The following STAG1 variants were observed in gnomAD, a reference collection of about 807,000 sequenced individuals.
STAG1 encodes the protein cohesin subunit SA-1.
Under a neutral mutation model 170.9 loss-of-function variants are expected in STAG1, and 26 were observed. The observed-to-expected ratio is 0.15, with a 90% confidence interval of 0.11 to 0.21. STAG1 has a LOEUF of 0.21. STAG1 is among the 10% of genes least tolerant of loss of function. STAG1 has a pLI of 1.00. For synonymous variants in STAG1, 514 were observed against 497.7 expected, an observed-to-expected ratio of 1.03 and a Z score of -0.44; for missense variants, 964 against 1,509.5, an observed-to-expected ratio of 0.64 and a Z score of 5.99.
intron 1 of STAG1, among the ~76,000 whole-genome samples, chr3:136,703,704 C>T (rs778771051): frequency 1.5e-4 from 23 of 151,948 alleles, no homozygotes; most frequent in Non-Finnish European, 3.4e-4. Context: ...AGCTTAAAAT[C>T]GACAATTAAA....
At chr3:136,410,807 C>T (rs934523794) in intron 21 of STAG1, among the ~76,000 whole-genome samples, 1 of 152,172 alleles carries the variant, frequency 6.6e-6, no homozygotes, top group African/African-American at 2.4e-5. Context: ...AATTTCATCT[C>T]TACTAAAAAT....
chr3:136,731,642 T>C (rs1479233743), intron 1 of STAG1, among the ~76,000 whole-genome samples: 1 of 152,248 alleles, frequency 6.6e-6, no homozygotes, highest in African/African-American at 2.4e-5. Flanking sequence ...CCTCCTTGTG[T>C]ACTTCGGGAA....
intron 14 of STAG1, among the ~76,000 whole-genome samples, chr3:136,444,224 C>T (rs2107763875): frequency 6.6e-6 from 1 of 152,302 alleles, no homozygotes; most frequent in Non-Finnish European, 1.5e-5. Context: ...CAGGCCCACG[C>T]CACCATGCCT....
chr3:136,421,057 C>A, intron 20 of STAG1, 36 bp downstream of exon 20: 1 of 1,376,432 alleles, frequency 7.3e-7, no homozygotes, highest in South Asian at 1.3e-5. Flanking sequence ...AGGCATGAGC[C>A]ACCTCGTTGC....
intron 30 of STAG1, among the ~76,000 whole-genome samples, chr3:136,342,872 AGGGGT>A (rs1420160159): frequency 6.6e-6 from 1 of 152,130 alleles, no homozygotes; most frequent in Non-Finnish European, 1.5e-5. Flanking sequence ...CTGTAGGAAG[AGGGGT>A]GGGGATATTG....
intron 23 of STAG1, among the ~76,000 whole-genome samples, chr3:136,375,906 T>C (rs939017333): frequency 1.3e-5 from 2 of 150,384 alleles, no homozygotes; most frequent in East Asian, 1.9e-4. Context: ...GAGGTGGAGG[T>C]TGCAGTGAGC....
intron 1 of STAG1, among the ~76,000 whole-genome samples, chr3:136,739,734 G>C (rs573601367): frequency 6.6e-6 from 1 of 151,954 alleles, no homozygotes; most frequent in African/African-American, 2.4e-5. Context: ...TGAGGCAGGA[G>C]AATCACTTGA....
At chr3:136,734,379 C>CAGTA (rs1182664441) in intron 1 of STAG1, among the ~76,000 whole-genome samples, 1 of 152,138 alleles carries the variant, frequency 6.6e-6, no homozygotes, top group Non-Finnish European at 1.5e-5. Flanking sequence ...AGGAGGCAGA[C>CAGTA]AGTAGTGTCT....
chr3:136,463,790 C>CACACAT (rs780473277), intron 13 of STAG1, among the ~76,000 whole-genome samples: 2 of 135,774 alleles, frequency 1.5e-5, no homozygotes, highest in East Asian at 4.5e-4. Context: ...CACACACACA[C>CACACAT]ATATACATAT....
At chr3:136,507,312 A>G (rs914804797) in intron 7 of STAG1, among the ~76,000 whole-genome samples, 1 of 152,208 alleles carries the variant, frequency 6.6e-6, no homozygotes, top group Non-Finnish European at 1.5e-5. Flanking sequence ...AGTTAATTTG[A>G]AGGTCAGAGA....
chr3:136,423,902 C>CT (rs1053285111), intron 16 of STAG1, among the ~76,000 whole-genome samples: 2 of 150,994 alleles, frequency 1.3e-5, no homozygotes, highest in African/African-American at 4.9e-5. Context: ...CTTGCTCTGT[C>CT]ACCCAGGCTG....
intron 29 of STAG1, among the ~76,000 whole-genome samples, chr3:136,347,605 T>C (rs1936280417): frequency 6.6e-6 from 1 of 152,164 alleles, no homozygotes; most frequent in African/African-American, 2.4e-5. Flanking sequence ...TTAATTCTTT[T>C]ATTCCTTTTG....
At chr3:136,534,498 T>G (rs1190646051) in intron 6 of STAG1, among the ~76,000 whole-genome samples, 4 of 151,758 alleles carry the variant, frequency 2.6e-5, no homozygotes, top group Non-Finnish European at 5.9e-5. Flanking sequence ...AGAAAATATT[T>G]GCAAACTATT....
chr3:136,523,859 C>T (rs1934834464), intron 6 of STAG1, among the ~76,000 whole-genome samples: 1 of 152,080 alleles, frequency 6.6e-6, no homozygotes, highest in Admixed American at 6.6e-5. Flanking sequence ...GGAATCCTTT[C>T]CCCATTGCTT....
chr3:136,450,928 T>C (rs951486172), intron 14 of STAG1, among the ~76,000 whole-genome samples: 19 of 152,114 alleles, frequency 1.2e-4, no homozygotes, highest in Non-Finnish European at 2.5e-4. Context: ...TTTCTATTTT[T>C]AGTAGAGACG....
At chr3:136,679,430 A>T (rs936825567) in intron 1 of STAG1, among the ~76,000 whole-genome samples, 1 of 151,606 alleles carries the variant, frequency 6.6e-6, no homozygotes, top group African/African-American at 2.4e-5. Context: ...AAAAAATACA[A>T]AAATTAGCCC....
chr3:136,737,126 C>T (rs1243002230), intron 1 of STAG1: 4 of 822,672 alleles, frequency 4.9e-6, no homozygotes, highest in African/African-American at 1.7e-5. Context: ...GATTTTTTCA[C>T]GTTAGAACCA....
chr3:136,576,090 A>T (rs1937446790), intron 4 of STAG1, among the ~76,000 whole-genome samples: 1 of 152,292 alleles, frequency 6.6e-6, no homozygotes, highest in Middle Eastern at 3.4e-3. Flanking sequence ...AAACCCCACG[A>T]AACAATTTTA....
At chr3:136,370,231 C>G (rs751243394) in intron 23 of STAG1, among the ~76,000 whole-genome samples, 1 of 152,084 alleles carries the variant, frequency 6.6e-6, no homozygotes, top group Non-Finnish European at 1.5e-5. Context: ...TAGGATACGA[C>G]AGCTCCATGC....
Sources: allele counts gnomAD v4.1 joint callset (sites outside exome capture counted in the v4.1 genomes callset), GRCh38; gene constraint gnomAD v4.1.1; transcripts MANE v1.5; gene names NCBI Gene and HGNC (gene_info 2026-07-23, HGNC 2026-07-21).